PGRMC2: variants seen among roughly 807,000 people sequenced by gnomAD.
PGRMC2 encodes the protein membrane-associated progesterone receptor component 2.
In PGRMC2, 9 loss-of-function variants were observed where a neutral mutation model predicts 19.3. The ratio of observed to expected loss-of-function variants is 0.47; its 90% CI spans 0.28 to 0.81. The LOEUF (loss-of-function observed/expected upper bound fraction) is 0.81. Among genes scored for constraint, PGRMC2 ranks in the 40% least tolerant of loss-of-function variants. PGRMC2 has a pLI of 0.11. For missense variants in PGRMC2, 289 were observed against 297.3 expected, an observed-to-expected ratio of 0.97 and a Z score of 0.21; for synonymous variants, 157 against 124.6, an observed-to-expected ratio of 1.26 and a Z score of -1.73.
At chr4:128,283,907 C>T (rs1001042618) in intron 1 of PGRMC2, among the ~76,000 whole-genome samples, 3 of 152,116 alleles carry the variant, frequency 2.0e-5, no homozygotes, top group African/African-American at 7.2e-5. Flanking sequence ...GTGATCTGCC[C>T]GCCTTGGTCT....
chr4:128,274,188 G>A (rs1022480918), intron 1 of PGRMC2, among the ~76,000 whole-genome samples: 7 of 152,162 alleles, frequency 4.6e-5, no homozygotes, highest in East Asian at 1.9e-4. Context: ...GCCAATATTC[G>A]TAACCTTCAA....
intron 1 of PGRMC2, among the ~76,000 whole-genome samples, chr4:128,279,123 G>A (rs1011120039): frequency 2.0e-5 from 3 of 151,986 alleles, no homozygotes; most frequent in African/African-American, 4.8e-5. Flanking sequence ...CAGGAGAATC[G>A]CTTGAACCCA....
At position 128,287,803 on chromosome 4, in the gene PGRMC2, G is replaced by C. The variant is rs1043914258; in HGVS notation, c.-13C>G. 6 of 1,515,316 alleles carry C rather than the reference G, an allele frequency of 4.0e-6. No homozygotes were observed. The highest frequency in any genetic ancestry group is 5.4e-6 in the Non-Finnish European group (6 of 1,114,992). The allele number at this position is 1,515,316 out of a possible 1,614,324, so 93.9% of individuals were successfully genotyped here. A position where few individuals can be genotyped will look rare whatever the true frequency, so the allele number is the denominator to read the frequency against. On this transcript the variant is annotated 5_prime_UTR_variant, in exon 1 of 3. Transcript: ENST00000296425. ...CACCAGCCGCCATCACTGCCCGCCA[G>C]CGCCTTCCTCCTCCTCCCCGCCCCC...
chr4:128,283,943 A>C (rs954007155), intron 1 of PGRMC2, among the ~76,000 whole-genome samples: 5 of 151,804 alleles, frequency 3.3e-5, no homozygotes, highest in African/African-American at 1.2e-4. Context: ...TTAAGGCATG[A>C]GCCACCGTGC....
At chr4:128,287,258 G>A (rs753497246) in intron 1 of PGRMC2, 115 bp downstream of exon 1, 1 of 1,243,890 alleles carries the variant, frequency 8.0e-7, no homozygotes, top group Non-Finnish European at 1.1e-6. Context: ...GAGGCGCGGG[G>A]GTCCCGGAGA....
At chr4:128,276,792 C>T (rs1014171500) in intron 1 of PGRMC2, among the ~76,000 whole-genome samples, 17 of 152,074 alleles carry the variant, frequency 1.1e-4, no homozygotes, top group Non-Finnish European at 2.1e-4. Context: ...TAAGCAAATT[C>T]GTGCTACAAA....
At chr4:128,274,240 C>A (rs1378313098) in intron 1 of PGRMC2, among the ~76,000 whole-genome samples, 1 of 152,108 alleles carries the variant, frequency 6.6e-6, no homozygotes, top group Non-Finnish European at 1.5e-5. Flanking sequence ...AGGGTATTAA[C>A]CAGGCCAGGT....
At position 128,271,504 on chromosome 4, in the gene PGRMC2, CAT is replaced by C. The variant is rs2110557385; in HGVS notation, c.575-93_575-92del. ...AAAAGGCATTTGTCTGTTTTAGAAT[CAT>C]ATAAAATATGATTATTAGAATATTA... On this transcript the variant is annotated intron_variant, in intron 2 of 2. Coordinates refer to ENST00000296425, the MANE Select transcript of PGRMC2 (RefSeq NM_006320.6). The C allele has an allele frequency of 9.7e-6, 6 of 618,390 alleles. No homozygotes were observed. The South Asian group carries it at 1.3e-4, about 14-fold the overall frequency. The allele number at this position is 618,390 out of a possible 1,614,324, so 38.3% of individuals were successfully genotyped here.
At chr4:128,277,311 C>T (rs1319755486) in intron 1 of PGRMC2, among the ~76,000 whole-genome samples, 1 of 152,144 alleles carries the variant, frequency 6.6e-6, no homozygotes, top group African/African-American at 2.4e-5. Context: ...TTACCGTATC[C>T]TAAAACTGCT....
chr4:128,282,612 T>C (rs55784717), intron 1 of PGRMC2, among the ~76,000 whole-genome samples: 120 of 152,358 alleles, frequency 7.9e-4, no homozygotes, highest in Middle Eastern at 3.4e-3. Context: ...TAGCTAATCC[T>C]TTTATCTTAC....
intron 1 of PGRMC2, among the ~76,000 whole-genome samples, chr4:128,274,179 C>T (rs4975220): frequency 0.58 from 88,541 of 152,000 alleles, 27,215 homozygotes; most frequent in Middle Eastern, 0.72. Context: ...TTACCACTGG[C>T]CAATATTCGT....
At chr4:128,285,801 C>A (rs1177783385) in intron 1 of PGRMC2, among the ~76,000 whole-genome samples, 1 of 152,058 alleles carries the variant, frequency 6.6e-6, no homozygotes, top group East Asian at 1.9e-4. Context: ...TTCTCTTGTC[C>A]CACGTGTGCT....
At chr4:128,287,021 G>A (rs777378814) in intron 1 of PGRMC2, 7 of 375,346 alleles carry the variant, frequency 1.9e-5, no homozygotes, top group Admixed American at 4.5e-5. Flanking sequence ...AAGGTTAAGG[G>A]CCAGCGTTGA....
chr4:128,282,103 C>T (rs1298468200), intron 1 of PGRMC2, among the ~76,000 whole-genome samples: 2 of 152,144 alleles, frequency 1.3e-5, no homozygotes, highest in African/African-American at 4.8e-5. Context: ...GCCTCTCTTC[C>T]TTAATAGACT....
In PGRMC2 at chr4:128,287,639, C is replaced by A. The variant is rs557845993; in HGVS notation, c.152G>T (p.Gly51Val). 3 of 1,537,412 alleles carry A rather than the reference C, an allele frequency of 2.0e-6. No homozygotes were observed. The highest frequency in any genetic ancestry group is 2.6e-6 in the Non-Finnish European group (3 of 1,145,442). Residue 51 changes from glycine (G) to valine (V), a missense_variant, in exon 1 of 3, where the codon GGC (glycine) becomes GTC (valine). By Grantham distance (109) the Gly-to-Val change is moderately radical. Coordinates refer to ENST00000296425, the MANE Select transcript of PGRMC2 (RefSeq NM_006320.6). ...AAAALALLTG[G>V]GEMLLNVALV... ...CGCCACGTTCAGCAGCATTTCCCCG[C>A]CCCCCGTCAGAAGCGCCAACGCCGC...
chr4:128,287,229 C>T, intron 1 of PGRMC2, 144 bp downstream of exon 1: 1 of 856,054 alleles, frequency 1.2e-6, no homozygotes, highest in South Asian at 1.8e-5. Context: ...CGGGATGGGC[C>T]GTCCCAGGTG....
chr4:128,281,496 T>TA (rs1052356595), intron 1 of PGRMC2, among the ~76,000 whole-genome samples: 1 of 150,182 alleles, frequency 6.7e-6, no homozygotes, highest in Non-Finnish European at 1.5e-5. Flanking sequence ...ATGGAAGAAA[T>TA]AAAAAAATCA....
intron 1 of PGRMC2, among the ~76,000 whole-genome samples, chr4:128,286,507 T>C (rs1760985445): frequency 6.6e-6 from 1 of 152,092 alleles, no homozygotes; most frequent in Admixed American, 6.6e-5. Context: ...GGGGTATAAA[T>C]CTACAACTCT....
chr4:128,285,997 C>G (rs1411835070), intron 1 of PGRMC2, among the ~76,000 whole-genome samples: 3 of 151,856 alleles, frequency 2.0e-5, no homozygotes, highest in African/African-American at 7.3e-5. Flanking sequence ...CACCAAAAAT[C>G]TCCTATTTCT....
Sources: allele counts gnomAD v4.1 joint callset (sites outside exome capture counted in the v4.1 genomes callset), GRCh38; gene constraint gnomAD v4.1.1; transcripts MANE v1.5; gene names NCBI Gene and HGNC (gene_info 2026-07-23, HGNC 2026-07-21).